The following AMOTL1 variants were observed in gnomAD, a reference collection of about 807,000 sequenced individuals.
AMOTL1 encodes the protein angiomotin-like protein 1.
Under a neutral mutation model 102.9 loss-of-function variants are expected in AMOTL1, and 45 were observed. That is an observed-to-expected ratio of 0.44 (90% CI 0.34 to 0.56). The LOEUF (loss-of-function observed/expected upper bound fraction) is 0.56, where lower values mean the gene tolerates loss of function less well. AMOTL1 is among the 20% of genes least tolerant of loss of function. AMOTL1 has a pLI of 0.01. For synonymous variants in AMOTL1, 481 were observed against 484.7 expected (o/e 0.99, Z 0.10); for missense variants, 1,114 against 1,225.6 (o/e 0.91, Z 1.36).
intron 7 of AMOTL1, among the ~76,000 whole-genome samples, chr11:94,853,335 T>C (rs1173540035): frequency 6.6e-6 from 1 of 152,090 alleles, no homozygotes; most frequent in African/African-American, 2.4e-5. Flanking sequence ...GTATGTTTTG[T>C]TCCCCTCCCT....
rs1950088875 is a variant in AMOTL1 at position 94,715,913 on chromosome 11, A to G, written c.-51+9316A>G. ...TGTTTATGCATTTCACCAAATTTGA[A>G]AGTTTTCAGCCAGTATGTTTTTTGA... On this transcript the variant is annotated intron_variant, in intron 1 of 4. Coordinates refer to the AMOTL1 transcript ENST00000299004. 2.1e-5 allele frequency among the ~76,000 whole-genome samples: 3 copies of G among 141,108 alleles called. No homozygotes were observed. The South Asian group carries it at 6.8e-4, about 32-fold the overall frequency. 92.6% of individuals were successfully genotyped at this position (141,108 alleles called of 152,430 possible). A position where few individuals can be genotyped will look rare whatever the true frequency, so the allele number is the denominator to read the frequency against.
chr11:94,829,098 A>G (rs963808001), intron 4 of AMOTL1, among the ~76,000 whole-genome samples: 2 of 152,150 alleles, frequency 1.3e-5, no homozygotes, highest in African/African-American at 2.4e-5. Flanking sequence ...AGGCTTCCCC[A>G]GTTAGTTTTT....
chr11:94,746,579 C>T (rs1950592662), intron 3 of AMOTL1, among the ~76,000 whole-genome samples: 1 of 152,264 alleles, frequency 6.6e-6, no homozygotes, highest in Non-Finnish European at 1.5e-5. Context: ...TCCCTTTCTC[C>T]CCTGGCTTGC....
At chr11:94,727,343 A>G (rs962918712) in intron 1 of AMOTL1, among the ~76,000 whole-genome samples, 1 of 152,210 alleles carries the variant, frequency 6.6e-6, no homozygotes, top group Non-Finnish European at 1.5e-5. Flanking sequence ...TCAGTTGATT[A>G]AATGATGATA....
chr11:94,738,346 C>G (rs1000324424), intron 2 of AMOTL1, among the ~76,000 whole-genome samples: 2 of 151,958 alleles, frequency 1.3e-5, no homozygotes, highest in African/African-American at 2.4e-5. Context: ...CAACCTCCAC[C>G]TCCTGGTATC....
At chr11:94,850,625 C>T (rs1952516035) in intron 7 of AMOTL1, among the ~76,000 whole-genome samples, 3 of 152,176 alleles carry the variant, frequency 2.0e-5, no homozygotes, top group African/African-American at 7.2e-5. Context: ...TCCTTAAAGC[C>T]TGACTGAGGA....
chr11:94,724,729 G>T (rs577234203), intron 1 of AMOTL1, among the ~76,000 whole-genome samples: 17 of 152,048 alleles, frequency 1.1e-4, no homozygotes, highest in Admixed American at 1.1e-3. Flanking sequence ...CTAGTACCTA[G>T]GAGACACCAA....
chr11:94,744,489 G>GATTGAATC (rs1950566582), intron 3 of AMOTL1, among the ~76,000 whole-genome samples: 1 of 152,122 alleles, frequency 6.6e-6, no homozygotes, highest in African/African-American at 2.4e-5. Context: ...AGGCATGATT[G>GATTGAATC]ATTGAATCAT....
At chr11:94,852,398 G>A (rs1952560933) in intron 7 of AMOTL1, among the ~76,000 whole-genome samples, 1 of 152,258 alleles carries the variant, frequency 6.6e-6, no homozygotes, top group African/African-American at 2.4e-5. Flanking sequence ...GCATGTTCCA[G>A]CTTGCCAGTG....
intron 8 of AMOTL1, among the ~76,000 whole-genome samples, chr11:94,855,419 CAG>C (rs1188065436): frequency 2.6e-5 from 4 of 152,232 alleles, no homozygotes; most frequent in Admixed American, 1.3e-4. Flanking sequence ...TACTTTGGCA[CAG>C]AGTTACACCG....
At chr11:94,719,938 A>C (rs1950151939) in intron 1 of AMOTL1, among the ~76,000 whole-genome samples, 1 of 152,108 alleles carries the variant, frequency 6.6e-6, no homozygotes, top group Non-Finnish European at 1.5e-5. Flanking sequence ...TTCTGATTTC[A>C]GAGTCTGAGG....
chr11:94,745,287 C>A (rs1171460443), intron 3 of AMOTL1, among the ~76,000 whole-genome samples: 2 of 148,848 alleles, frequency 1.3e-5, no homozygotes, highest in Admixed American at 6.8e-5. Context: ...TGTGATGTTC[C>A]CCACTCTGTG....
At chr11:94,868,866 C>G (rs527637282) in intron 11 of AMOTL1, among the ~76,000 whole-genome samples, 1 of 151,794 alleles carries the variant, frequency 6.6e-6, no homozygotes. Flanking sequence ...TCCATACCAC[C>G]CTGTGAATAA....
chr11:94,755,951 G>C (rs938021180), intron 3 of AMOTL1, among the ~76,000 whole-genome samples: 2 of 152,158 alleles, frequency 1.3e-5, no homozygotes, highest in African/African-American at 2.4e-5. Flanking sequence ...TGGATCACAC[G>C]TGGGCTTGGA....
intron 10 of AMOTL1, among the ~76,000 whole-genome samples, 185 bp downstream of exon 10, chr11:94,865,045 G>A (rs1952853195): frequency 6.6e-6 from 1 of 152,190 alleles, no homozygotes; most frequent in African/African-American, 2.4e-5. Flanking sequence ...GTTCCACTCA[G>A]CAATGGATCT....
At chr11:94,807,915 C>T (rs918810836) in intron 3 of AMOTL1, among the ~76,000 whole-genome samples, 1 of 132,362 alleles carries the variant, frequency 7.6e-6, no homozygotes, top group African/African-American at 2.9e-5. Flanking sequence ...CAAGTCTTTG[C>T]AGAAGAGACA....
rs1950890584 is a variant in AMOTL1, at chr11:94,768,554, G to A, written c.43G>A (p.Val15Met). 6.3e-7 allele frequency: 1 copy of A among 1,597,656 alleles called. No homozygotes were observed. Among genetic ancestry groups the A allele is most frequent in the Non-Finnish European group, 8.5e-7 (1 of 1,172,544 alleles). ...KLRRGTCEPA[V>M]KGSPSACYSP... is the part of the protein sequence containing the mutation. ...GCGCCGGGGAACTTGTGAGCCTGCG[G>A]TGAAAGGTAACCAGCCCCCACTCGA... Residue 15 changes from valine to methionine, a missense_variant, in exon 1 of 13, where the codon GTG becomes ATG. Transcript: ENST00000433060.
chr11:94,777,341 C>T (rs1165622072), intron 1 of AMOTL1, among the ~76,000 whole-genome samples: 4 of 152,034 alleles, frequency 2.6e-5, no homozygotes, highest in African/African-American at 9.7e-5. Flanking sequence ...ATAAATATAC[C>T]TTAGCTGACT....
chr11:94,769,617 G>T (rs151062162), intron 1 of AMOTL1, among the ~76,000 whole-genome samples: 66 of 152,238 alleles, frequency 4.3e-4, no homozygotes, highest in African/African-American at 1.4e-3. Context: ...TTTTGGCTTC[G>T]GTGTTGGTTT....
Sources: allele counts gnomAD v4.1 joint callset (sites outside exome capture counted in the v4.1 genomes callset), GRCh38; gene constraint gnomAD v4.1.1; transcripts MANE v1.5; gene names NCBI Gene and HGNC (gene_info 2026-07-23, HGNC 2026-07-21).